TLN2: variants seen among roughly 807,000 people sequenced by gnomAD.
TLN2 encodes talin-2.
A neutral mutation model predicts 294.7 loss-of-function variants in TLN2; 118 were observed. That is an observed-to-expected ratio of 0.40 (90% CI 0.34 to 0.47). TLN2 has a LOEUF of 0.47. Among genes scored for constraint, TLN2 ranks in the 20% least tolerant of loss-of-function variants. TLN2 has a pLI of 0.84. For missense variants in TLN2, 3,083 were observed against 3,282.2 expected (o/e 0.94, Z 1.48); for synonymous variants, 1,431 against 1,304.5 (o/e 1.10, Z -2.09).
At chr15:62,795,018 C>T (rs866873092) in intron 46 of TLN2, among the ~76,000 whole-genome samples, 13 of 152,286 alleles carry the variant, frequency 8.5e-5, no homozygotes, top group African/African-American at 2.9e-4. Context: ...ACATTGGGTG[C>T]ATTGGGCCAT....
At chr15:62,573,389 G>T (rs1279255405) in intron 1 of TLN2, among the ~76,000 whole-genome samples, 1 of 152,016 alleles carries the variant, frequency 6.6e-6, no homozygotes, top group Non-Finnish European at 1.5e-5. Flanking sequence ...TTAGAGATGG[G>T]TGCCAGCTCA....
In TLN2 at chr15:62,624,714, G is replaced by C. The variant is rs144146104; in HGVS notation, c.-37+6239G>C. On this transcript the variant is annotated intron_variant, in intron 3 of 58. Coordinates refer to ENST00000636159, the MANE Select transcript of TLN2 (RefSeq NM_015059.3). Reference sequence around the variant, plus strand: ...CAGTAGTCCATTCTGTGATGTCAAAGGGGTGTGGGGGTGTCTGCATGTGTG... The same window carrying C: ...CAGTAGTCCATTCTGTGATGTCAAACGGGTGTGGGGGTGTCTGCATGTGTG... Among the ~76,000 whole-genome samples, 372 of 152,334 alleles carry C rather than the reference G, an allele frequency of 2.4e-3. 2 individuals are homozygous for C. Among genetic ancestry groups the C allele is most frequent in the African/African-American group, 8.7e-3 (362 of 41,568 alleles).
intron 1 of TLN2, among the ~76,000 whole-genome samples, chr15:62,574,174 T>G (rs1427646654): frequency 7.7e-6 from 1 of 129,618 alleles, no homozygotes; most frequent in Non-Finnish European, 1.5e-5. Flanking sequence ...TGTCACTTCA[T>G]TTTTTTTTTT....
At chr15:62,432,811 T>A (rs1156255079) in intron 1 of TLN2, among the ~76,000 whole-genome samples, 1 of 152,074 alleles carries the variant, frequency 6.6e-6, no homozygotes, top group African/African-American at 2.4e-5. Flanking sequence ...AGAATGCATA[T>A]TTATAGAGTT....
At chr15:62,463,955 G>C (rs991249578) in intron 1 of TLN2, among the ~76,000 whole-genome samples, 2 of 152,174 alleles carry the variant, frequency 1.3e-5, no homozygotes, top group Non-Finnish European at 2.9e-5. Context: ...TGAAGAAATA[G>C]GAATGTTTTT....
chr15:62,780,476 A>T (rs775043311), intron 43 of TLN2, among the ~76,000 whole-genome samples: 9 of 152,176 alleles, frequency 5.9e-5, no homozygotes, highest in Non-Finnish European at 1.0e-4. Context: ...AGCCTTGGAA[A>T]CACATTTTGA....
rs540116123 is a variant in TLN2 at position 62,405,693 on chromosome 15, G to T, written c.-238+15008G>T. ...GAGACTGGCTCTGGGGTGGGGTTTG[G>T]GTTTAACCAGCTCTTGGAGAAGCTG... On this transcript the variant is annotated intron_variant, in intron 1 of 58. Coordinates refer to ENST00000636159, the MANE Select transcript of TLN2 (RefSeq NM_015059.3). 1.3e-3 allele frequency among the ~76,000 whole-genome samples: 205 copies of T among 152,236 alleles called. 1 individual carries two copies. The highest frequency in any genetic ancestry group is 9.8e-3 in the Admixed American group (150 of 15,284).
chr15:62,584,535 C>T lies in TLN2; in HGVS notation c.-237-5152C>T, dbSNP rs937865471. Reference sequence around the variant, plus strand: ...CCTTTGACCCTGGCCCAACCCCCAGCCTCTAGCTGGAAAGTCAGTGCAGGG... The same window carrying T: ...CCTTTGACCCTGGCCCAACCCCCAGTCTCTAGCTGGAAAGTCAGTGCAGGG... On this transcript the variant is annotated intron_variant, in intron 1 of 58. Transcript: ENST00000636159. 3.9e-5 allele frequency among the ~76,000 whole-genome samples: 6 copies of T among 152,192 alleles called. 1 individual carries two copies. Among genetic ancestry groups the T allele is most frequent in the Admixed American group, 3.9e-4 (6 of 15,280 alleles).
At chr15:62,481,278 A>C (rs1337244330) in intron 1 of TLN2, among the ~76,000 whole-genome samples, 2 of 152,090 alleles carry the variant, frequency 1.3e-5, no homozygotes, top group Non-Finnish European at 2.9e-5. Context: ...CAAACTATTA[A>C]TGTTAACCAC....
chr15:62,808,091 C>T (rs1404100621), intron 51 of TLN2, among the ~76,000 whole-genome samples: 1 of 152,128 alleles, frequency 6.6e-6, no homozygotes, highest in Non-Finnish European at 1.5e-5. Context: ...CCTACTCAGC[C>T]CACACACGGA....
chr15:62,550,096 A>G (rs945936073), intron 1 of TLN2, among the ~76,000 whole-genome samples: 4 of 152,058 alleles, frequency 2.6e-5, no homozygotes, highest in African/African-American at 7.2e-5. Flanking sequence ...AGGCTGGGGT[A>G]GGGGAAGAGC....
At chr15:62,762,476 G>A in intron 39 of TLN2, 23 bp downstream of exon 39, 1 of 1,609,900 alleles carries the variant, frequency 6.2e-7, no homozygotes, top group Non-Finnish European at 8.5e-7. Flanking sequence ...TCCGGAGGTT[G>A]CTGCCAGCCT....
intron 11 of TLN2, chr15:62,683,185 G>C (rs1486752102): frequency 6.6e-6 from 1 of 152,316 alleles, no homozygotes; most frequent in Non-Finnish European, 1.5e-5. Context: ...CCATATTGAA[G>C]TGAGGGTCCA....
chr15:62,800,424 T>G lies in TLN2; in HGVS notation c.6291T>G (p.Ser2097Arg). Residue 2097 changes from serine (S) to arginine (R), a missense_variant, in exon 49 of 59, where the codon AGT becomes AGG. By Grantham distance (110) the Ser-to-Arg change is moderately radical. Transcript: ENST00000636159. ...CCAAGGCCCTTTCTGATCTCATCAG[T>G]GCTACCAAGGGAGCTGCCAGCAAGC... ...DVAKALSDLI[S>R]ATKGAASKPV... is the part of the protein sequence containing the mutation. The G allele has an allele frequency of 1.2e-6, 2 of 1,614,204 alleles. No individual in the cohort carries two copies. The highest frequency in any genetic ancestry group is 2.2e-5 in the South Asian group (2 of 91,068).
At chr15:62,739,833 A>G (rs779456453) in intron 31 of TLN2, among the ~76,000 whole-genome samples, 56 of 152,188 alleles carry the variant, frequency 3.7e-4, no homozygotes, top group Non-Finnish European at 7.6e-4. Context: ...AGGAGGGAGA[A>G]TGTTTAACAA....
In TLN2 at chr15:62,408,382, A is replaced by G. The variant is rs570933198; in HGVS notation, c.-238+17697A>G. Reference sequence around the variant, plus strand: ...AGGGCTGCCTGGGCCCCAGCCCCAGAGATTTTCTTTTAGCAAGTCTAAGAT... The same window carrying G: ...AGGGCTGCCTGGGCCCCAGCCCCAGGGATTTTCTTTTAGCAAGTCTAAGAT... On this transcript the variant is annotated intron_variant, in intron 1 of 58. Coordinates refer to ENST00000636159, the MANE Select transcript of TLN2 (RefSeq NM_015059.3). 7.9e-5 allele frequency among the ~76,000 whole-genome samples: 12 copies of G among 152,314 alleles called. No homozygotes were observed. The East Asian group carries it at 2.1e-3, about 27-fold the overall frequency.
chr15:62,702,335 A>T (rs2058767494), intron 18 of TLN2, 135 bp downstream of exon 18: 4 of 1,025,348 alleles, frequency 3.9e-6, no homozygotes, highest in Non-Finnish European at 4.2e-6. Flanking sequence ...GAGTAACTGG[A>T]GTTGTGGAAC....
intron 1 of TLN2, among the ~76,000 whole-genome samples, chr15:62,411,231 C>T (rs2033758882): frequency 6.6e-6 from 1 of 152,156 alleles, no homozygotes; most frequent in South Asian, 2.1e-4. Flanking sequence ...CGCATAGTGG[C>T]CATAATTTAG....
intron 49 of TLN2, 29 bp from the exon 50 acceptor site, chr15:62,800,624 A>G: frequency 2.5e-6 from 4 of 1,613,212 alleles, no homozygotes; most frequent in Middle Eastern, 1.7e-4. Flanking sequence ...TCACTGCACT[A>G]TCTGTATTCA....
Sources: allele counts gnomAD v4.1 joint callset (sites outside exome capture counted in the v4.1 genomes callset), GRCh38; gene constraint gnomAD v4.1.1; transcripts MANE v1.5; gene names NCBI Gene and HGNC (gene_info 2026-07-23, HGNC 2026-07-21).